LIN7A: variants seen among roughly 807,000 people sequenced by gnomAD.
LIN7A encodes protein lin-7 homolog A.
In LIN7A, 25 loss-of-function variants were observed where a neutral mutation model predicts 29.8. That is an observed-to-expected ratio of 0.84 (90% CI 0.61 to 1.17). LIN7A has a LOEUF of 1.17. Among genes scored for constraint, LIN7A ranks in the 50% most tolerant of loss-of-function variants. LIN7A has a pLI of 0.00. For synonymous variants in LIN7A, 118 were observed against 107.5 expected (o/e 1.10, Z -0.60); for missense variants, 239 against 287.0 (o/e 0.83, Z 1.21).
intron 1 of LIN7A, among the ~76,000 whole-genome samples, chr12:80,927,103 C>T (rs1276050522): frequency 6.6e-6 from 1 of 150,638 alleles, no homozygotes; most frequent in Non-Finnish European, 1.5e-5. Context: ...TGGTTTTTCT[C>T]CTTTAATCTG....
At chr12:80,912,438 G>A (rs551434152) in intron 1 of LIN7A, among the ~76,000 whole-genome samples, 26 of 152,116 alleles carry the variant, frequency 1.7e-4, no homozygotes, top group East Asian at 3.9e-4. Flanking sequence ...ACTCTAGGCC[G>A]GGCATGGTGG....
At chr12:80,898,378 T>G (rs1417330469) in intron 1 of LIN7A, among the ~76,000 whole-genome samples, 12 of 152,216 alleles carry the variant, frequency 7.9e-5, no homozygotes, top group Non-Finnish European at 1.8e-4. Flanking sequence ...TATAGCCTTA[T>G]AGTATAGTTT....
chr12:80,821,574 A>G (rs1217864781), intron 4 of LIN7A, among the ~76,000 whole-genome samples: 2 of 152,180 alleles, frequency 1.3e-5, no homozygotes, highest in Non-Finnish European at 2.9e-5. Flanking sequence ...AAATAAGACA[A>G]CAATGCAAAT....
At chr12:80,850,729 C>G (rs538401412) in intron 2 of LIN7A, among the ~76,000 whole-genome samples, 8 of 152,280 alleles carry the variant, frequency 5.3e-5, no homozygotes, top group African/African-American at 1.9e-4. Flanking sequence ...AGGAATTAAG[C>G]TATACCTTTT....
At chr12:80,834,676 G>A (rs1169633850) in intron 4 of LIN7A, among the ~76,000 whole-genome samples, 2 of 152,202 alleles carry the variant, frequency 1.3e-5, no homozygotes, top group Non-Finnish European at 2.9e-5. Context: ...CAACATTTGA[G>A]TTAAAGTTTG....
At chr12:80,830,984 A>C (rs768743348) in intron 4 of LIN7A, among the ~76,000 whole-genome samples, 1 of 152,102 alleles carries the variant, frequency 6.6e-6, no homozygotes, top group African/African-American at 2.4e-5. Flanking sequence ...TTTTCTTAGC[A>C]CTTGCCATCT....
chr12:80,870,735 C>T (rs971492958), intron 2 of LIN7A, among the ~76,000 whole-genome samples: 3 of 152,168 alleles, frequency 2.0e-5, no homozygotes, highest in South Asian at 2.1e-4. Flanking sequence ...CCAAGACTAT[C>T]GCCAGACTAT....
At chr12:80,881,666 T>C (rs933332384) in intron 2 of LIN7A, among the ~76,000 whole-genome samples, 7 of 152,148 alleles carry the variant, frequency 4.6e-5, no homozygotes, top group African/African-American at 1.4e-4. Context: ...CATATATATA[T>C]GTTTGCTCTT....
intron 4 of LIN7A, among the ~76,000 whole-genome samples, chr12:80,823,352 G>C (rs769144937): frequency 6.6e-6 from 1 of 152,190 alleles, no homozygotes; most frequent in Non-Finnish European, 1.5e-5. Context: ...TTGGGGCTTT[G>C]CAGTTCCTGG....
chr12:80,850,928 C>T (rs192089795), intron 2 of LIN7A, among the ~76,000 whole-genome samples: 32 of 152,166 alleles, frequency 2.1e-4, no homozygotes, highest in Admixed American at 1.2e-3. Flanking sequence ...GGTTAATTCT[C>T]CTAACTTCTT....
chr12:80,833,537 A>G (rs191796315), intron 4 of LIN7A, among the ~76,000 whole-genome samples: 2 of 152,328 alleles, frequency 1.3e-5, no homozygotes, highest in East Asian at 3.9e-4. Flanking sequence ...GGCAATTGCC[A>G]GAATAACCTA....
At chr12:80,848,156 C>T in intron 3 of LIN7A, 95 bp downstream of exon 3, 1 of 878,634 alleles carries the variant, frequency 1.1e-6, no homozygotes, top group Non-Finnish European at 1.9e-6. Context: ...AATTCTCTTA[C>T]AGTGTACACA....
intron 2 of LIN7A, 25 bp from the exon 3 acceptor site, chr12:80,848,347 A>C: frequency 6.9e-7 from 1 of 1,443,510 alleles, no homozygotes; most frequent in Non-Finnish European, 9.8e-7. Context: ...TAAAAAGAAG[A>C]ATGTGTAAGA....
intron 4 of LIN7A, among the ~76,000 whole-genome samples, chr12:80,829,954 T>C (rs561831434): frequency 6.6e-6 from 1 of 152,326 alleles, no homozygotes; most frequent in South Asian, 2.1e-4. Flanking sequence ...AAATGCACTC[T>C]CGTGCTTAAA....
At chr12:80,886,823 C>T (rs1592925397) in intron 2 of LIN7A, among the ~76,000 whole-genome samples, 1 of 151,924 alleles carries the variant, frequency 6.6e-6, no homozygotes, top group African/African-American at 2.4e-5. Context: ...CTATACAAAG[C>T]CCTCATATTT....
In LIN7A at chr12:80,793,478, G is replaced by A. The variant is rs1004642933; in HGVS notation, c.*4249C>T. The A allele has an allele frequency of 6.6e-6, 1 of 152,118 alleles. No individual in the cohort carries two copies. Among genetic ancestry groups the A allele is most frequent in the Non-Finnish European group, 1.5e-5 (1 of 68,016 alleles). The allele number at this position is 152,118 out of a possible 1,614,324, so 9.4% of individuals were successfully genotyped here. A position where few individuals can be genotyped will look rare whatever the true frequency, so the allele number is the denominator to read the frequency against. Reference sequence around the variant, plus strand: ...TTATTTTTTCTATCAGGTGTGAAGAGGACCCAATGGACAGTAAACTCTCTA... The same window carrying A: ...TTATTTTTTCTATCAGGTGTGAAGAAGACCCAATGGACAGTAAACTCTCTA... On this transcript the variant is annotated 3_prime_UTR_variant, in exon 6 of 6. Transcript: ENST00000552864.
intron 2 of LIN7A, among the ~76,000 whole-genome samples, chr12:80,882,095 T>C (rs575607764): frequency 1.3e-5 from 2 of 152,018 alleles, no homozygotes; most frequent in Admixed American, 1.3e-4. Flanking sequence ...TTTGGAGCCA[T>C]CCATTTAAAA....
chr12:80,925,296 A>G (rs1406960399), intron 1 of LIN7A, among the ~76,000 whole-genome samples: 1 of 152,236 alleles, frequency 6.6e-6, no homozygotes, highest in Non-Finnish European at 1.5e-5. Flanking sequence ...CAAGAGCAGA[A>G]TGGCAAATTA....
intron 4 of LIN7A, among the ~76,000 whole-genome samples, chr12:80,843,981 T>C (rs1366257629): frequency 6.6e-6 from 1 of 151,528 alleles, no homozygotes; most frequent in Admixed American, 6.6e-5. Context: ...ATTTATTATA[T>C]ATATATATAT....
Sources: allele counts gnomAD v4.1 joint callset (sites outside exome capture counted in the v4.1 genomes callset), GRCh38; gene constraint gnomAD v4.1.1; transcripts MANE v1.5; gene names NCBI Gene and HGNC (gene_info 2026-07-23, HGNC 2026-07-21).